SRBD1: variants seen among roughly 807,000 people sequenced by gnomAD.
SRBD1 encodes S1 RNA binding domain 1.
In SRBD1, 88 loss-of-function variants were observed where a neutral mutation model predicts 115.3. That is an observed-to-expected ratio of 0.76 (90% confidence interval 0.64 to 0.91). The LOEUF is 0.91. SRBD1 is among the 40% of genes least tolerant of loss of function. SRBD1 has a pLI of 0.00. For synonymous variants in SRBD1, 509 were observed against 407.7 expected (o/e 1.25, Z -2.99); for missense variants, 1,385 against 1,177.4 (o/e 1.18, Z -2.58).
At chr2:45,555,328 T>C (rs1364270973) in intron 10 of SRBD1, among the ~76,000 whole-genome samples, 1 of 152,130 alleles carries the variant, frequency 6.6e-6, no homozygotes, top group African/African-American at 2.4e-5. Flanking sequence ...GAAGCTGTAG[T>C]AAGCCATGAT....
intron 2 of SRBD1, among the ~76,000 whole-genome samples, chr2:45,604,926 T>C (rs2104262929): frequency 6.6e-6 from 1 of 152,320 alleles, no homozygotes; most frequent in East Asian, 1.9e-4. Flanking sequence ...AGAGACATTT[T>C]TAATTGTTAT....
intron 16 of SRBD1, among the ~76,000 whole-genome samples, chr2:45,470,334 G>C (rs1669608503): frequency 6.6e-6 from 1 of 152,158 alleles, no homozygotes; most frequent in Non-Finnish European, 1.5e-5. Flanking sequence ...CCGCTGGGAA[G>C]ATGATTTTCC....
chr2:45,523,964 T>C (rs1671363964), intron 14 of SRBD1, among the ~76,000 whole-genome samples: 1 of 152,062 alleles, frequency 6.6e-6, no homozygotes, highest in African/African-American at 2.4e-5. Context: ...CATCACCAAG[T>C]GGGATTTATC....
At chr2:45,519,613 C>A (rs541291661) in intron 14 of SRBD1, among the ~76,000 whole-genome samples, 1 of 152,306 alleles carries the variant, frequency 6.6e-6, no homozygotes, top group African/African-American at 2.4e-5. Context: ...GTAATTCCGA[C>A]AACTGCAGTG....
chr2:45,524,747 G>A (rs1374261390), intron 14 of SRBD1, among the ~76,000 whole-genome samples: 1 of 151,980 alleles, frequency 6.6e-6, no homozygotes, highest in African/African-American at 2.4e-5. Flanking sequence ...TCAATGCAAA[G>A]GCCATCAGAT....
chr2:45,476,863 T>C (rs774538680), intron 16 of SRBD1, 130 bp downstream of exon 16: 311 of 745,622 alleles, frequency 4.2e-4, no homozygotes, highest in Non-Finnish European at 6.0e-4. Context: ...TTAAAACTCC[T>C]ACTTTCCACA....
intron 14 of SRBD1, among the ~76,000 whole-genome samples, chr2:45,507,151 T>A (rs1010279768): frequency 1.3e-5 from 2 of 152,126 alleles, no homozygotes; most frequent in African/African-American, 4.8e-5. Flanking sequence ...AACAGACACA[T>A]GAAATGGAAA....
At chr2:45,458,722 T>A (rs1173967194) in intron 16 of SRBD1, among the ~76,000 whole-genome samples, 1 of 152,126 alleles carries the variant, frequency 6.6e-6, no homozygotes, top group East Asian at 1.9e-4. Context: ...AGGGAAGAGT[T>A]ACACCAATAC....
intron 14 of SRBD1, among the ~76,000 whole-genome samples, chr2:45,504,520 T>C (rs191687939): frequency 6.6e-6 from 1 of 152,256 alleles, no homozygotes; most frequent in Admixed American, 6.5e-5. Context: ...AGGAAATAGT[T>C]TACTCAAAGC....
At chr2:45,573,863 T>TTG (rs1479707233) in intron 8 of SRBD1, among the ~76,000 whole-genome samples, 3 of 152,052 alleles carry the variant, frequency 2.0e-5, no homozygotes, top group African/African-American at 7.2e-5. Context: ...ACTGAGAAAA[T>TTG]ACAAAAGTTC....
intron 14 of SRBD1, among the ~76,000 whole-genome samples, chr2:45,496,799 T>A (rs964939191): frequency 1.3e-5 from 2 of 152,156 alleles, no homozygotes; most frequent in Admixed American, 1.3e-4. Context: ...GGAGACCCTA[T>A]CTACAAACTT....
intron 14 of SRBD1, among the ~76,000 whole-genome samples, chr2:45,536,766 C>G (rs997711596): frequency 2.0e-5 from 3 of 152,092 alleles, no homozygotes; most frequent in African/African-American, 7.2e-5. Context: ...TTCAGAGGAT[C>G]TTTTGCAATT....
chr2:45,585,200 T>G (rs1181985249), intron 5 of SRBD1, among the ~76,000 whole-genome samples: 2 of 151,906 alleles, frequency 1.3e-5, no homozygotes, highest in African/African-American at 4.8e-5. Flanking sequence ...CCTACCAAAC[T>G]CTATACTGCC....
intron 14 of SRBD1, among the ~76,000 whole-genome samples, chr2:45,500,762 T>C (rs903445720): frequency 6.6e-6 from 1 of 152,224 alleles, no homozygotes; most frequent in Non-Finnish European, 1.5e-5. Flanking sequence ...GCAACTTTAC[T>C]GAATTCATTT....
chr2:45,510,842 T>A (rs959974835), intron 14 of SRBD1, among the ~76,000 whole-genome samples: 4 of 152,220 alleles, frequency 2.6e-5, no homozygotes, highest in African/African-American at 7.2e-5. Flanking sequence ...AAAAGTTTCA[T>A]CTCAGCAGTT....
At position 45,455,851 on chromosome 2, in the gene SRBD1, T is replaced by C. The variant is rs550425053; in HGVS notation, c.2049+21142A>G. ...AGCAAATTTTCTTTCCAAAAGAGCA[T>C]GTCACTGCTAACCCTGTGCATTTTT... is the stretch of plus-strand genomic sequence containing the variant. On this transcript the variant is annotated intron_variant, in intron 16 of 20. Coordinates refer to ENST00000263736, the MANE Select transcript of SRBD1 (RefSeq NM_018079.5). 9.9e-5 allele frequency among the ~76,000 whole-genome samples: 15 copies of C among 152,038 alleles called. No individual in the cohort carries two copies. In the South Asian group the frequency reaches 1.5e-3, roughly 15 times the overall value.
intron 4 of SRBD1, among the ~76,000 whole-genome samples, 163 bp downstream of exon 4, chr2:45,599,286 T>C (rs112900833): frequency 2.2e-3 from 334 of 152,222 alleles, no homozygotes; most frequent in African/African-American, 7.7e-3. Context: ...CACAAAACAG[T>C]GTACCCAAGA....
chr2:45,546,216 T>A, intron 14 of SRBD1: 1 of 985,468 alleles, frequency 1.0e-6, no homozygotes, highest in Non-Finnish European at 1.2e-6. Context: ...AATCCAAAGC[T>A]ATTCACAAGT....
At chr2:45,479,460 C>T (rs1181258237) in intron 15 of SRBD1, among the ~76,000 whole-genome samples, 1 of 152,128 alleles carries the variant, frequency 6.6e-6, no homozygotes, top group Non-Finnish European at 1.5e-5. Flanking sequence ...AGCAAAACAG[C>T]TTTTTGCTGA....
Sources: gnomAD v4.1 joint callset for allele counts (sites outside exome capture counted in the v4.1 genomes callset) on GRCh38, gnomAD v4.1.1 for gene constraint, MANE v1.5 for transcripts, NCBI Gene and HGNC (gene_info 2026-07-23, HGNC 2026-07-21) for gene names.